Variants in SFTA2 observed in about 807,000 individuals in gnomAD.
SFTA2 encodes the protein surfactant-associated protein 2.
Under a neutral mutation model 6.0 loss-of-function variants are expected in SFTA2, and 3 were observed. The observed-to-expected ratio is 0.50, with a 90% CI of 0.23 to 1.28. SFTA2 has a LOEUF of 1.28. Among genes scored for constraint, SFTA2 ranks in the 50% most tolerant of loss-of-function variants. The pLI is 0.19. For missense variants in SFTA2, 87 were observed against 88.5 expected, an observed-to-expected ratio of 0.98 and a Z score of 0.07; for synonymous variants, 40 against 39.3, an observed-to-expected ratio of 1.02 and a Z score of -0.07.
rs750178444 is a variant in SFTA2 at position 30,932,129 on chromosome 6, A to G, written c.-33T>C. 5 of 1,606,352 alleles carry G rather than the reference A, an allele frequency of 3.1e-6. No homozygotes were observed. The highest frequency in any genetic ancestry group is 2.2e-5 in the East Asian group (1 of 44,690). On this transcript the variant is annotated 5_prime_UTR_variant, in exon 1 of 3. Transcript: ENST00000359086. This position sits in a 1 kb window ranked among gnomAD's most constrained non-coding sequence, Gnocchi z 6.5. Reference sequence around the variant, plus strand: ...ACTGCGCTCCTGGGATGGAGGAGACACTGAAGTCCCGGTGGCCTCTCCTTA... The same window carrying G: ...ACTGCGCTCCTGGGATGGAGGAGACGCTGAAGTCCCGGTGGCCTCTCCTTA...
In SFTA2 at chr6:30,931,417, G is replaced by A; in HGVS notation, c.*71C>T. ...GAGGGTGGGGGCCTGCTGAAAGACAGGGTCGGGGCCTGCCTCCTGCATCCC... is the reference window on the plus strand; with the variant it reads ...GAGGGTGGGGGCCTGCTGAAAGACAAGGTCGGGGCCTGCCTCCTGCATCCC... On this transcript the variant is annotated 3_prime_UTR_variant, in exon 3 of 3. Coordinates refer to ENST00000359086, the MANE Select transcript of SFTA2 (RefSeq NM_205854.3). 1 of 1,432,724 alleles carries A rather than the reference G, an allele frequency of 7.0e-7. No homozygotes were observed. The allele number at this position is 1,432,724 out of a possible 1,614,324, so 88.8% of individuals were successfully genotyped here.
In SFTA2 at chr6:30,932,107, G is replaced by C; in HGVS notation, c.-11C>G. 1 of 1,611,582 alleles carries C rather than the reference G, an allele frequency of 6.2e-7. No homozygotes were observed. The highest frequency in any genetic ancestry group is 8.5e-7 in the Non-Finnish European group (1 of 1,179,506). ...CAGCCCAGACCCCATAGTGGCCACTGCGCTCCTGGGATGGAGGAGACACTG... is the reference window on the plus strand; with the variant it reads ...CAGCCCAGACCCCATAGTGGCCACTCCGCTCCTGGGATGGAGGAGACACTG... On this transcript the variant is annotated 5_prime_UTR_variant, in exon 1 of 3. Coordinates refer to ENST00000359086, the MANE Select transcript of SFTA2 (RefSeq NM_205854.3). This position sits in a 1 kb window ranked among gnomAD's most constrained non-coding sequence, Gnocchi z 6.5.
At chr6:30,931,956 C>T in intron 1 of SFTA2, 80 bp downstream of exon 1, 1 of 1,565,912 alleles carries the variant, frequency 6.4e-7, no homozygotes, top group Non-Finnish European at 8.7e-7. Flanking sequence ...CTGTCACTCT[C>T]AGGGACCATG....
chr6:30,931,719 T>A lies in SFTA2; in HGVS notation c.138A>T (p.Glu46Asp). The change falls in exon 2 of 3, where the codon GAA (glutamate) becomes GAT (aspartate). Residue 46 changes from glutamate to aspartate, a missense_variant. Physicochemically the swap from Glu to Asp is conservative, Grantham distance 45. Transcript: ENST00000359086. ...TNSSYESSFLELLEKLCLLLH... is the reference protein window; with the variant it reads ...TNSSYESSFLDLLEKLCLLLH... ...TCCAAAGAACTACCTTTTCAAGCAA[T>A]TCCAGGAAGCTGGACTCATAGGAGG... 6.2e-7 allele frequency: 1 copy of A among 1,613,120 alleles called. No individual in the cohort carries two copies. Among genetic ancestry groups the A allele is most frequent in the Non-Finnish European group, 8.5e-7 (1 of 1,180,026 alleles).
intron 2 of SFTA2, 47 bp downstream of exon 2, chr6:30,931,660 C>A (rs1430199963): frequency 6.2e-7 from 1 of 1,611,480 alleles, no homozygotes; most frequent in Non-Finnish European, 8.5e-7. Context: ...GAGGCCCAAA[C>A]TGACTCACAA....
rs1244164936 is a variant in SFTA2 at position 30,931,778 on chromosome 6, G to A, written c.79C>T (p.Gln27Ter). ...SHGTGPGMTLQLKLKESFLTN... is the reference protein window; with the variant it reads ...SHGTGPGMTL ...AGAAAAGACTCCTTCAGCTTCAGTT[G>A]CAAAGTCATACCCGGCCCTGCGGAT... Residue 27 changes from glutamine to a stop codon, truncating the protein, a stop_gained, in exon 2 of 3, where the codon CAA becomes TAA. Transcript: ENST00000359086. LOFTEE classifies it high-confidence loss of function. 3.7e-6 allele frequency: 6 copies of A among 1,612,938 alleles called. No individual in the cohort carries two copies. In the African/African-American group the frequency reaches 8.0e-5, roughly 22 times the overall value.
In SFTA2 at chr6:30,931,907, C is replaced by A. The variant is rs144414718; in HGVS notation, c.62-112G>T. 1.3e-3 allele frequency: 1,966 copies of A among 1,529,754 alleles called. 51 individuals carry two copies. The Admixed American group carries it at 0.033, about 26-fold the overall frequency. 94.8% of individuals were successfully genotyped at this position (1,529,754 alleles called of 1,614,324 possible). A position where few individuals can be genotyped will look rare whatever the true frequency, so the allele number is the denominator to read the frequency against. On this transcript the variant is annotated intron_variant, in intron 1 of 2. Coordinates refer to ENST00000359086, the MANE Select transcript of SFTA2 (RefSeq NM_205854.3). Reference sequence around the variant, plus strand: ...CACAGTTCCTCTTCCCCAGCAATGCCCCTCCAGAGCCTCTTGGAAGCTCAG... The same window carrying A: ...CACAGTTCCTCTTCCCCAGCAATGCACCTCCAGAGCCTCTTGGAAGCTCAG...
Position 30,931,750 on chromosome 6 carries a change from G to C in SFTA2, c.107C>G (p.Thr36Arg). The C allele has an allele frequency of 6.2e-7, 1 of 1,613,104 alleles. No homozygotes were observed. Among genetic ancestry groups the C allele is most frequent in the African/African-American group, 1.3e-5 (1 of 75,036 alleles). Residue 36 changes from threonine (T) to arginine (R), a missense_variant, in exon 2 of 3, where the codon ACA becomes AGA. Thr to Arg is a moderately conservative substitution (Grantham distance 71). Transcript: ENST00000359086. The part of the protein sequence containing the change: ...LQLKLKESFL[T>R]NSSYESSFLE... Reference sequence around the variant, plus strand: ...GAAGCTGGACTCATAGGAGGAATTTGTCAGAAAAGACTCCTTCAGCTTCAG... The same window carrying C: ...GAAGCTGGACTCATAGGAGGAATTTCTCAGAAAAGACTCCTTCAGCTTCAG...
In SFTA2 at chr6:30,931,491, T is replaced by G; in HGVS notation, c.234A>C (p.Thr78=). Residue 78 remains threonine, a synonymous_variant, in exon 3 of 3, where the codon ACA becomes ACC. Transcript: ENST00000359086. ...AGGACACAGGCTTCAATGGCTGTCA[T>G]GTGTTGCAGACAACATGGTGTTGAG... ...ARSQHHVVCN[T] 6.3e-7 allele frequency: 1 copy of G among 1,575,488 alleles called. No homozygotes were observed. The highest frequency in any genetic ancestry group is 8.6e-7 in the Non-Finnish European group (1 of 1,158,588).
chr6:30,931,978 C>T (rs1040628234), intron 1 of SFTA2, 58 bp downstream of exon 1: 2 of 1,594,742 alleles, frequency 1.3e-6, no homozygotes, highest in Non-Finnish European at 1.7e-6. Context: ...AGTCCCACCC[C>T]TTTTCTCTGG....
At chr6:30,931,849 G>A in intron 1 of SFTA2, 54 bp from the exon 2 acceptor site, 1 of 1,597,566 alleles carries the variant, frequency 6.3e-7, no homozygotes, top group Non-Finnish European at 8.6e-7. Context: ...GATTCCTCCG[G>A]AGACACAGAA....
chr6:30,931,980 T>C, intron 1 of SFTA2, 56 bp downstream of exon 1: 1 of 1,595,784 alleles, frequency 6.3e-7, no homozygotes, highest in East Asian at 2.3e-5. Context: ...TCCCACCCCT[T>C]TTCTCTGGCC....
At position 30,931,399 on chromosome 6, in the gene SFTA2, G is replaced by C; in HGVS notation, c.*89C>G. ...TTATTTATTGCCGCTCAGGAGGGTG[G>C]GGGCCTGCTGAAAGACAGGGTCGGG... On this transcript the variant is annotated 3_prime_UTR_variant, in exon 3 of 3. Transcript: ENST00000359086. 7.9e-7 allele frequency: 1 copy of C among 1,268,282 alleles called. No individual in the cohort carries two copies. Among genetic ancestry groups the C allele is most frequent in the South Asian group, 1.6e-5 (1 of 63,280 alleles). The allele number at this position is 1,268,282 out of a possible 1,614,324, so 78.6% of individuals were successfully genotyped here.
rs1405452959 is a variant in SFTA2, at chr6:30,932,061, G to A, written c.36C>T (p.Thr12=). Residue 12 remains threonine (T), a synonymous_variant, in exon 1 of 3, where the codon ACC becomes ACT. Transcript: ENST00000359086. The surrounding 1 kb of genome is among the most constrained non-coding windows in gnomAD (Gnocchi z 6.5). ...CTGTTCCATGTGAGCTGCCAAGGAGGGTCAAGAGGAGGACAAGGGGCAGCC... is the reference window on the plus strand; with the variant it reads ...CTGTTCCATGTGAGCTGCCAAGGAGAGTCAAGAGGAGGACAAGGGGCAGCC... ...GSGLPLVLLL[T]LLGSSHGTGP... 2 of 1,612,536 alleles carry A rather than the reference G, an allele frequency of 1.2e-6. No homozygotes were observed. The highest frequency in any genetic ancestry group is 1.7e-5 in the Admixed American group (1 of 59,964).
chr6:30,931,929 T>G, intron 1 of SFTA2, 107 bp downstream of exon 1: 5 of 1,542,864 alleles, frequency 3.2e-6, no homozygotes, highest in Non-Finnish European at 3.5e-6. Context: ...TCTTGGAAGC[T>G]CAGGACTGGG....
intron 1 of SFTA2, 37 bp downstream of exon 1, chr6:30,931,999 C>A: frequency 6.2e-7 from 1 of 1,605,210 alleles, no homozygotes; most frequent in Non-Finnish European, 8.5e-7. Context: ...CCTCTTCTTG[C>A]CACAGGGACC....
intron 1 of SFTA2, 111 bp from the exon 2 acceptor site, chr6:30,931,906 C>T: frequency 6.5e-7 from 1 of 1,532,640 alleles, no homozygotes; most frequent in Non-Finnish European, 9.0e-7. Context: ...CCCAGCAATG[C>T]CCCTCCAGAG....
At chr6:30,931,625 C>T in intron 2 of SFTA2, 51 bp from the exon 3 acceptor site, 2 of 1,606,180 alleles carry the variant, frequency 1.2e-6, no homozygotes, top group South Asian at 2.2e-5. Context: ...TCCATTCCCA[C>T]CACGGAGACA....
At position 30,931,557 on chromosome 6, in the gene SFTA2, A is replaced by G; in HGVS notation, c.168T>C (p.His56=). 1 of 1,609,958 alleles carries G rather than the reference A, an allele frequency of 6.2e-7. No individual in the cohort carries two copies. The highest frequency in any genetic ancestry group is 8.5e-7 in the Non-Finnish European group (1 of 1,178,238). The change falls in exon 3 of 3, where the codon CAT becomes CAC. Residue 56 remains histidine (H), a synonymous_variant. Coordinates refer to ENST00000359086, the MANE Select transcript of SFTA2 (RefSeq NM_205854.3). ...GGGTGACGCTGGTCCCTGAAGGGAG[A>G]TGGAGGAGGAGGCAGAGCTGGGAAC... ...ELLEKLCLLL[H]LPSGTSVTLH... is the part of the protein sequence containing the mutation.
Sources: allele counts gnomAD v4.1 joint callset, GRCh38; gene constraint gnomAD v4.1.1; non-coding constraint Gnocchi (gnomAD v3.1); transcripts MANE v1.5; gene names NCBI Gene and HGNC (gene_info 2026-07-23, HGNC 2026-07-21).